The following IL20RB variants were observed in gnomAD, a reference collection of about 807,000 sequenced individuals.
IL20RB encodes interleukin 20 receptor subunit beta.
IL20RB carries 21 observed loss-of-function variants against 33.3 expected under a neutral mutation model. The ratio of observed to expected loss-of-function variants is 0.63; its 90% CI spans 0.45 to 0.91. IL20RB has a LOEUF of 0.91. IL20RB is among the 40% of genes least tolerant of loss of function. The pLI is 0.00. For synonymous variants in IL20RB, 147 were observed against 146.8 expected (o/e 1.00, Z -0.01); for missense variants, 345 against 384.8 (o/e 0.90, Z 0.86).
intron 6 of IL20RB, 83 bp downstream of exon 6, chr3:136,995,639 C>T (rs1386672534): frequency 1.5e-6 from 2 of 1,326,714 alleles, no homozygotes; most frequent in Admixed American, 1.8e-5. Flanking sequence ...GCACATGTTT[C>T]CATGTTTCTA....
At chr3:136,967,186 G>C (rs1439840057) in intron 1 of IL20RB, among the ~76,000 whole-genome samples, 2 of 151,262 alleles carry the variant, frequency 1.3e-5, no homozygotes, top group Middle Eastern at 3.2e-3. Flanking sequence ...GATTTGGGGT[G>C]GAGAGTTCTG....
Position 136,974,186 on chromosome 3 carries a change from C to T in IL20RB, c.89-6280C>T, listed in dbSNP as rs76055526. Among the ~76,000 whole-genome samples, 1,503 of 151,988 alleles carry T rather than the reference C, an allele frequency of 9.9e-3. 13 individuals are homozygous for T. Among genetic ancestry groups the T allele is most frequent in the Non-Finnish European group, 0.015 (997 of 67,942 alleles). Reference sequence around the variant, plus strand: ...GTTTTAGTGGATTTCTGTAGTGGTACCATTTGAGTCCTTTCTCTTCCTCCT... The same window carrying T: ...GTTTTAGTGGATTTCTGTAGTGGTATCATTTGAGTCCTTTCTCTTCCTCCT... On this transcript the variant is annotated intron_variant, in intron 1 of 6. Coordinates refer to ENST00000329582, the MANE Select transcript of IL20RB (RefSeq NM_144717.4).
intron 6 of IL20RB, among the ~76,000 whole-genome samples, chr3:136,998,611 T>G (rs1942181876): frequency 1.3e-5 from 2 of 151,818 alleles, no homozygotes; most frequent in South Asian, 4.1e-4. Flanking sequence ...TGAAGGATAT[T>G]TTTGCTGGAT....
chr3:137,001,455 T>C (rs1288182808), intron 6 of IL20RB, among the ~76,000 whole-genome samples: 1 of 152,178 alleles, frequency 6.6e-6, no homozygotes, highest in Non-Finnish European at 1.5e-5. Context: ...CCACCTCCCC[T>C]CTCTCCGCTA....
intron 1 of IL20RB, among the ~76,000 whole-genome samples, chr3:136,977,748 A>G (rs1450403416): frequency 2.0e-5 from 3 of 151,756 alleles, no homozygotes; most frequent in Non-Finnish European, 2.9e-5. Context: ...CTGGCCTCGA[A>G]CTCCTGAGCT....
chr3:136,973,394 G>C (rs1169370487), intron 1 of IL20RB, among the ~76,000 whole-genome samples: 1 of 151,914 alleles, frequency 6.6e-6, no homozygotes, highest in Non-Finnish European at 1.5e-5. Flanking sequence ...AGGAGGCCGA[G>C]GCAGGAGAAT....
intron 1 of IL20RB, among the ~76,000 whole-genome samples, chr3:136,977,435 G>A (rs1941646690): frequency 6.6e-6 from 1 of 152,068 alleles, no homozygotes; most frequent in Non-Finnish European, 1.5e-5. Flanking sequence ...GCATTGTGGA[G>A]TTTTCCCTGA....
chr3:137,004,316 A>G (rs1222918749), intron 6 of IL20RB, among the ~76,000 whole-genome samples: 2 of 152,114 alleles, frequency 1.3e-5, no homozygotes, highest in African/African-American at 4.8e-5. Context: ...TTTTCTATTG[A>G]TTGGAATAGT....
chr3:136,973,827 C>CT (rs971225313), intron 1 of IL20RB, among the ~76,000 whole-genome samples: 5 of 151,772 alleles, frequency 3.3e-5, no homozygotes, highest in Non-Finnish European at 7.4e-5. Context: ...CCTTCTTTGT[C>CT]TTTTTTTAAT....
intron 6 of IL20RB, among the ~76,000 whole-genome samples, chr3:136,996,621 G>C (rs1302079773): frequency 6.6e-6 from 1 of 152,282 alleles, no homozygotes; most frequent in East Asian, 1.9e-4. Flanking sequence ...CCTCCACTCT[G>C]TTATCCTAAT....
rs1408262376 is a variant in IL20RB, at chr3:136,991,816, G to A, written c.532-122G>A. The stretch of plus-strand genomic sequence containing the variant: ...AGAGATGGGGTGTTTCACCATGTTG[G>A]TCAGGCTGGTCTTGAACTCCTGACC... On this transcript the variant is annotated intron_variant, in intron 4 of 6. Transcript: ENST00000329582. The A allele has an allele frequency of 5.7e-6, 5 of 884,730 alleles. No individual in the cohort carries two copies. The East Asian group carries it at 1.1e-4, about 19-fold the overall frequency. 54.8% of individuals were successfully genotyped at this position (884,730 alleles called of 1,614,324 possible).
intron 1 of IL20RB, among the ~76,000 whole-genome samples, chr3:136,974,910 T>C (rs1354311773): frequency 2.6e-5 from 4 of 152,202 alleles, no homozygotes; most frequent in African/African-American, 9.6e-5. Context: ...CTTTCAAATG[T>C]ATTTTGTATT....
chr3:136,994,020 A>AC (rs1011434801), intron 5 of IL20RB, among the ~76,000 whole-genome samples: 1 of 151,910 alleles, frequency 6.6e-6, no homozygotes, highest in Non-Finnish European at 1.5e-5. Context: ...CAAAAAAAAA[A>AC]AAAATCTATA....
chr3:137,008,055 G>T (rs543981899), intron 6 of IL20RB, among the ~76,000 whole-genome samples: 2 of 152,262 alleles, frequency 1.3e-5, no homozygotes, highest in South Asian at 4.2e-4. Flanking sequence ...TGCTTCATGG[G>T]AATGGGTGCT....
At chr3:136,976,656 G>A (rs1044304715) in intron 1 of IL20RB, among the ~76,000 whole-genome samples, 1 of 152,176 alleles carries the variant, frequency 6.6e-6, no homozygotes, top group African/African-American at 2.4e-5. Context: ...CTCAGCTGTG[G>A]GAGCTCATTC....
chr3:136,970,777 C>T (rs1941459107), intron 1 of IL20RB, among the ~76,000 whole-genome samples: 2 of 151,950 alleles, frequency 1.3e-5, no homozygotes, highest in African/African-American at 2.4e-5. Context: ...CTCAGCCTCC[C>T]CAGTAGCTGG....
intron 6 of IL20RB, among the ~76,000 whole-genome samples, chr3:137,000,791 G>T (rs573191790): frequency 1.3e-5 from 2 of 152,282 alleles, no homozygotes; most frequent in Admixed American, 1.3e-4. Context: ...CCATCAGATG[G>T]TCTTCTGTTG....
chr3:136,962,479 C>T lies in IL20RB; in HGVS notation c.88+4278C>T, dbSNP rs114314338. On this transcript the variant is annotated intron_variant, in intron 1 of 6. Coordinates refer to ENST00000329582, the MANE Select transcript of IL20RB (RefSeq NM_144717.4). ...CTAAAAAATGTCAAGGTCGGCCAGG[C>T]GTGGTGGCTCATGCCTGTAATCCCA... Among the ~76,000 whole-genome samples, 1,165 of 152,168 alleles carry T rather than the reference C, an allele frequency of 7.7e-3. 4 individuals are homozygous for T. Among genetic ancestry groups the T allele is most frequent in the Non-Finnish European group, 0.014 (920 of 67,992 alleles).
intron 1 of IL20RB, among the ~76,000 whole-genome samples, chr3:136,977,713 A>C (rs1043399284): frequency 6.6e-6 from 1 of 152,032 alleles, no homozygotes; most frequent in Non-Finnish European, 1.5e-5. Flanking sequence ...TTTAGTAGAG[A>C]TGGGGTTTTG....
Sources: allele counts gnomAD v4.1 joint callset (sites outside exome capture counted in the v4.1 genomes callset), GRCh38; gene constraint gnomAD v4.1.1; transcripts MANE v1.5; gene names NCBI Gene and HGNC (gene_info 2026-07-23, HGNC 2026-07-21).